Variants in NELL1 observed in about 807,000 individuals in gnomAD.
NELL1 encodes neural EGFL like 1, also known as protein kinase C-binding protein NELL1.
A neutral mutation model predicts 107.4 loss-of-function variants in NELL1; 76 were observed. The ratio of observed to expected loss-of-function variants is 0.71; its 90% CI spans 0.59 to 0.86. NELL1 has a LOEUF of 0.86. Among genes scored for constraint, NELL1 ranks in the 40% least tolerant of loss-of-function variants. NELL1 has a pLI of 0.00. For missense variants in NELL1, 1,024 were observed against 1,005.5 expected (o/e 1.02, Z -0.25); for synonymous variants, 353 against 341.2 (o/e 1.03, Z -0.38).
At chr11:21,284,521 A>C (rs1247064825) in intron 14 of NELL1, 4 of 459,556 alleles carry the variant, frequency 8.7e-6, no homozygotes, top group Non-Finnish European at 1.8e-5. Context: ...CGCTATCCTC[A>C]GCTCACCTTA....
intron 12 of NELL1, among the ~76,000 whole-genome samples, chr11:21,101,717 T>A (rs1854820580): frequency 6.6e-6 from 1 of 152,182 alleles, no homozygotes; most frequent in African/African-American, 2.4e-5. Flanking sequence ...TTGTTTGAGT[T>A]CATTGTAGAT....
At chr11:21,458,233 T>C (rs961534199) in intron 15 of NELL1, among the ~76,000 whole-genome samples, 8 of 152,118 alleles carry the variant, frequency 5.3e-5, no homozygotes, top group African/African-American at 1.9e-4. Context: ...ACAGTGTAGA[T>C]ATGGTAAGAC....
At chr11:21,415,960 G>T (rs1458785265) in intron 15 of NELL1, among the ~76,000 whole-genome samples, 1 of 152,030 alleles carries the variant, frequency 6.6e-6, no homozygotes. Context: ...ACGGAGGGAA[G>T]CTTCTTGATA....
At chr11:21,233,208 C>T (rs762835034) in intron 14 of NELL1, among the ~76,000 whole-genome samples, 1 of 152,218 alleles carries the variant, frequency 6.6e-6, no homozygotes, top group African/African-American at 2.4e-5. Context: ...CAAAAACTCT[C>T]ATTAAGTATG....
chr11:21,298,426 C>T (rs182915693), intron 14 of NELL1, among the ~76,000 whole-genome samples: 125 of 152,026 alleles, frequency 8.2e-4, no homozygotes, highest in African/African-American at 2.8e-3. Flanking sequence ...TCTCATCTTC[C>T]CTTCTTTGGT....
intron 12 of NELL1, among the ~76,000 whole-genome samples, chr11:21,027,525 A>C (rs756490820): frequency 2.3e-4 from 35 of 151,590 alleles, no homozygotes; most frequent in Non-Finnish European, 4.0e-4. Flanking sequence ...GTGAATCTTC[A>C]CATTAGGCCA....
intron 3 of NELL1, among the ~76,000 whole-genome samples, chr11:20,807,296 T>C (rs1857405426): frequency 6.6e-6 from 1 of 152,218 alleles, no homozygotes; most frequent in African/African-American, 2.4e-5. Context: ...GCTTTAGTTC[T>C]TGCAGACTCA....
intron 2 of NELL1, among the ~76,000 whole-genome samples, chr11:20,757,044 C>T (rs1856311461): frequency 1.3e-5 from 2 of 152,070 alleles, no homozygotes; most frequent in African/African-American, 2.4e-5. Context: ...GGAAGGATAT[C>T]CCAGCTTTAC....
intron 16 of NELL1, among the ~76,000 whole-genome samples, chr11:21,549,153 G>A (rs1276760404): frequency 6.6e-6 from 1 of 151,844 alleles, no homozygotes; most frequent in Non-Finnish European, 1.5e-5. Context: ...TGGTAGAAAT[G>A]TTTGAGAAGC....
At chr11:21,236,070 A>G (rs918828451) in intron 14 of NELL1, among the ~76,000 whole-genome samples, 2 of 152,058 alleles carry the variant, frequency 1.3e-5, no homozygotes, top group African/African-American at 4.8e-5. Flanking sequence ...GGATGATTTC[A>G]TGGGCCCTTT....
chr11:21,426,054 T>A (rs1852814210), intron 15 of NELL1, among the ~76,000 whole-genome samples: 1 of 152,208 alleles, frequency 6.6e-6, no homozygotes, highest in Admixed American at 6.5e-5. Context: ...TTATCTATTG[T>A]GTAGGATTAG....
chr11:21,488,145 G>A (rs925066287), intron 15 of NELL1, among the ~76,000 whole-genome samples: 4 of 152,030 alleles, frequency 2.6e-5, no homozygotes, highest in Non-Finnish European at 5.9e-5. Flanking sequence ...ATGAAATCAT[G>A]GATTTAAATT....
At chr11:20,933,466 T>A (rs1025312671) in intron 9 of NELL1, among the ~76,000 whole-genome samples, 1 of 152,154 alleles carries the variant, frequency 6.6e-6, no homozygotes, top group Non-Finnish European at 1.5e-5. Flanking sequence ...GAGTTAGAGA[T>A]GCCTGAGGTA....
chr11:21,519,705 T>C (rs1394109725), intron 15 of NELL1, among the ~76,000 whole-genome samples: 1 of 152,044 alleles, frequency 6.6e-6, no homozygotes, highest in Non-Finnish European at 1.5e-5. Flanking sequence ...GGATGGGGAA[T>C]GTACAGCCGC....
chr11:20,677,886 T>C (rs1854098248), intron 1 of NELL1, 46 bp from the exon 2 acceptor site: 1 of 1,610,102 alleles, frequency 6.2e-7, no homozygotes, highest in Non-Finnish European at 8.5e-7. Context: ...TGAATGCTAG[T>C]AACAGTCTGC....
intron 12 of NELL1, among the ~76,000 whole-genome samples, chr11:21,050,276 C>CTG (rs1853460603): frequency 7.5e-6 from 1 of 133,790 alleles, no homozygotes; most frequent in African/African-American, 3.2e-5. Flanking sequence ...TCCCCGCCCC[C>CTG]CACTTTTTTT....
chr11:21,438,832 A>G (rs1315561423), intron 15 of NELL1, among the ~76,000 whole-genome samples: 3 of 151,784 alleles, frequency 2.0e-5, no homozygotes, highest in Non-Finnish European at 4.4e-5. Flanking sequence ...TTGTGTGAGG[A>G]AGTTATGACT....
At chr11:20,766,973 G>A (rs1268766600) in intron 2 of NELL1, among the ~76,000 whole-genome samples, 3 of 152,100 alleles carry the variant, frequency 2.0e-5, no homozygotes, top group African/African-American at 7.2e-5. Context: ...TGAACTCCTG[G>A]CCTCAAGTGA....
intron 13 of NELL1, among the ~76,000 whole-genome samples, chr11:21,216,105 C>A (rs1857607082): frequency 6.6e-6 from 1 of 152,106 alleles, no homozygotes; most frequent in Non-Finnish European, 1.5e-5. Flanking sequence ...CTAAAAGAGG[C>A]CAGGGTACAG....
Sources: allele counts gnomAD v4.1 joint callset (sites outside exome capture counted in the v4.1 genomes callset), GRCh38; gene constraint gnomAD v4.1.1; transcripts MANE v1.5; gene names NCBI Gene and HGNC (gene_info 2026-07-23, HGNC 2026-07-21).